The following IGF1R variants were observed in gnomAD, a reference collection of about 807,000 sequenced individuals.
IGF1R encodes insulin-like growth factor 1 receptor.
Under a neutral mutation model 144.6 loss-of-function variants are expected in IGF1R, and 44 were observed. The observed-to-expected ratio is 0.30, with a 90% CI of 0.24 to 0.39. IGF1R has a LOEUF of 0.39. Ranked by LOEUF, IGF1R falls within the 10% of genes least tolerant of loss-of-function variation. The pLI is 1.00. For missense variants in IGF1R, 1,355 were observed against 1,833.7 expected (o/e 0.74, Z 4.77); for synonymous variants, 795 against 722.8 (o/e 1.10, Z -1.60).
At chr15:98,814,344 A>G (rs964697723) in intron 2 of IGF1R, among the ~76,000 whole-genome samples, 1 of 151,808 alleles carries the variant, frequency 6.6e-6, no homozygotes, top group Non-Finnish European at 1.5e-5. Flanking sequence ...TATGATTTGG[A>G]TGGATGGATG....
In IGF1R at chr15:98,961,914, G is replaced by A. The variant is rs913197043; in HGVS notation, c.*4472G>A. 1.7e-5 allele frequency: 4 copies of A among 233,210 alleles called. No individual in the cohort carries two copies. Among genetic ancestry groups the A allele is most frequent in the African/African-American group, 6.6e-5 (3 of 45,360 alleles). The allele number at this position is 233,210 out of a possible 1,614,324, so 14.4% of individuals were successfully genotyped here. ...TTTCAATGGTACGAAAAGTGGCTTC[G>A]TAAAATAGAAGAGCAGTCACTGTGG... On this transcript the variant is annotated 3_prime_UTR_variant, in exon 21 of 21. Coordinates refer to ENST00000650285, the MANE Select transcript of IGF1R (RefSeq NM_000875.5).
chr15:98,700,102 A>C (rs1205982735), intron 1 of IGF1R, among the ~76,000 whole-genome samples: 1 of 152,216 alleles, frequency 6.6e-6, no homozygotes, highest in African/African-American at 2.4e-5. Flanking sequence ...GTTTGTTATC[A>C]TAACATTGTC....
chr15:98,732,571 AGG>A lies in IGF1R; in HGVS notation c.640+24468_640+24469del, dbSNP rs1270023997. The stretch of plus-strand genomic sequence containing the variant: ...CATTGCTATGGAGTGAGCATGGGGA[AGG>A]GGGTCGGAGGCCTTTTGGAGATAGA... On this transcript the variant is annotated intron_variant, in intron 2 of 20. Transcript: ENST00000650285. Among the ~76,000 whole-genome samples, 61 of 152,128 alleles carry A rather than the reference AGG, an allele frequency of 4.0e-4. 2 individuals carry two copies. The highest frequency in any genetic ancestry group is 3.9e-3 in the Admixed American group (60 of 15,268).
At chr15:98,940,090 G>A (rs761444780) in intron 18 of IGF1R, among the ~76,000 whole-genome samples, 25 of 152,272 alleles carry the variant, frequency 1.6e-4, no homozygotes, top group Non-Finnish European at 3.4e-4. Flanking sequence ...TTTTTACTTC[G>A]GTCTTTTAAT....
intron 19 of IGF1R, among the ~76,000 whole-genome samples, chr15:98,943,983 A>G (rs527920822): frequency 6.6e-6 from 1 of 152,212 alleles, no homozygotes; most frequent in Non-Finnish European, 1.5e-5. Context: ...GACCCGGCAA[A>G]GCATGATTGC....
At position 98,922,202 on chromosome 15, in the gene IGF1R, C is replaced by T. The variant is rs1452734107; in HGVS notation, c.2256C>T (p.Ser752=). The T allele has an allele frequency of 1.9e-6, 3 of 1,614,054 alleles. No individual in the cohort carries two copies. Among genetic ancestry groups the T allele is most frequent in the Non-Finnish European group, 1.7e-6 (2 of 1,180,044 alleles). ...AAGTGGCCAACACCACCATGTCCAG[C>T]CGAAGCAGGAACACCACGGCCGCAG... ...VMQVANTTMS[S]RSRNTTAADT... Residue 752 remains serine, a synonymous_variant, in exon 11 of 21, where the codon AGC becomes AGT. Transcript: ENST00000650285.
chr15:98,768,324 G>T (rs184372776), intron 2 of IGF1R, among the ~76,000 whole-genome samples: 2 of 152,152 alleles, frequency 1.3e-5, no homozygotes, highest in Non-Finnish European at 2.9e-5. Context: ...TAAAGTAAAA[G>T]TGCACAACCT....
In IGF1R at chr15:98,749,579, A is replaced by G. The variant is rs151240388; in HGVS notation, c.640+41472A>G. On this transcript the variant is annotated intron_variant, in intron 2 of 20. Coordinates refer to ENST00000650285, the MANE Select transcript of IGF1R (RefSeq NM_000875.5). ...ATCATGGCCTCACTTGTTATTTAATAATGAATGGTTACAAATTGTTTGTGT... is the reference window on the plus strand; with the variant it reads ...ATCATGGCCTCACTTGTTATTTAATGATGAATGGTTACAAATTGTTTGTGT... Among the ~76,000 whole-genome samples the G allele has an allele frequency of 3.9e-5, 6 of 152,360 alleles. No individual in the cohort carries two copies. The East Asian group carries it at 1.2e-3, about 29-fold the overall frequency.
intron 2 of IGF1R, among the ~76,000 whole-genome samples, chr15:98,842,201 C>T (rs2011186226): frequency 6.6e-6 from 1 of 152,218 alleles, no homozygotes; most frequent in African/African-American, 2.4e-5. Flanking sequence ...TACCATTTCT[C>T]TACAATCGAA....
chr15:98,828,117 A>C (rs1461432220), intron 2 of IGF1R, among the ~76,000 whole-genome samples: 2 of 152,160 alleles, frequency 1.3e-5, no homozygotes, highest in Admixed American at 1.3e-4. Flanking sequence ...CGTGCCTGTT[A>C]CAGTGATCAC....
At chr15:98,888,142 C>T (rs2141648986) in intron 2 of IGF1R, among the ~76,000 whole-genome samples, 1 of 152,320 alleles carries the variant, frequency 6.6e-6, no homozygotes, top group East Asian at 1.9e-4. Context: ...CAGGAAACAC[C>T]AGGCAGCTCC....
chr15:98,747,829 G>A (rs2054907417), intron 2 of IGF1R, among the ~76,000 whole-genome samples: 3 of 152,098 alleles, frequency 2.0e-5, no homozygotes. Flanking sequence ...AATGTACTGA[G>A]TATCACTAAT....
At chr15:98,950,091 G>A (rs559796061) in intron 20 of IGF1R, among the ~76,000 whole-genome samples, 1 of 152,326 alleles carries the variant, frequency 6.6e-6, no homozygotes, top group African/African-American at 2.4e-5. Flanking sequence ...GAGATTTCCA[G>A]AAATGCTTTT....
chr15:98,942,589 G>A (rs551631470), intron 18 of IGF1R, among the ~76,000 whole-genome samples: 64 of 152,132 alleles, frequency 4.2e-4, no homozygotes, highest in African/African-American at 1.5e-3. Flanking sequence ...TCTTCCTGTC[G>A]TGGCCTCCCA....
chr15:98,773,031 T>G (rs1157929548), intron 2 of IGF1R, among the ~76,000 whole-genome samples: 2 of 152,214 alleles, frequency 1.3e-5, no homozygotes, highest in African/African-American at 4.8e-5. Flanking sequence ...CATGCCTCTC[T>G]TGAGTTAACT....
chr15:98,781,565 T>C (rs1293086473), intron 2 of IGF1R, among the ~76,000 whole-genome samples: 2 of 152,248 alleles, frequency 1.3e-5, no homozygotes, highest in African/African-American at 4.8e-5. Flanking sequence ...AAGTAGTAAG[T>C]ACTTGACTGA....
At chr15:98,674,743 T>C (rs1023052609) in intron 1 of IGF1R, among the ~76,000 whole-genome samples, 1 of 152,112 alleles carries the variant, frequency 6.6e-6, no homozygotes, top group African/African-American at 2.4e-5. Flanking sequence ...ATAAAAATTA[T>C]CCTTAATCTC....
chr15:98,679,319 G>C (rs1475708188), intron 1 of IGF1R, among the ~76,000 whole-genome samples: 1 of 152,178 alleles, frequency 6.6e-6, no homozygotes, highest in African/African-American at 2.4e-5. Context: ...CTCTGTATCT[G>C]TTTTCTCAGA....
At chr15:98,711,016 G>A (rs1330714842) in intron 2 of IGF1R, among the ~76,000 whole-genome samples, 1 of 152,162 alleles carries the variant, frequency 6.6e-6, no homozygotes, top group Non-Finnish European at 1.5e-5. Flanking sequence ...AATTACAGAT[G>A]TGGCTTGCAT....
Sources: allele counts gnomAD v4.1 joint callset (sites outside exome capture counted in the v4.1 genomes callset), GRCh38; gene constraint gnomAD v4.1.1; transcripts MANE v1.5; gene names NCBI Gene and HGNC (gene_info 2026-07-23, HGNC 2026-07-21).